Variants in TULP3 observed in about 807,000 individuals in gnomAD.
TULP3 encodes the protein tubby-related protein 3.
In TULP3, 38 loss-of-function variants were observed where a neutral mutation model predicts 50.7. The observed-to-expected ratio is 0.75, with a 90% CI of 0.58 to 0.98. The LOEUF (loss-of-function observed/expected upper bound fraction) is 0.98, where lower values mean the gene tolerates loss of function less well. TULP3 is among the 50% of genes least tolerant of loss of function. The probability of loss-of-function intolerance (pLI) is 0.00; values close to 1 mark genes in which losing one functional copy is unlikely to be tolerated. For missense variants in TULP3, 550 were observed against 568.0 expected (o/e 0.97, Z 0.32); for synonymous variants, 183 against 196.6 (o/e 0.93, Z 0.58).
chr12:2,917,166 T>C (rs1022299383), intron 2 of TULP3, among the ~76,000 whole-genome samples: 2 of 152,186 alleles, frequency 1.3e-5, no homozygotes, highest in Middle Eastern at 3.2e-3. Flanking sequence ...ATGTCTACTG[T>C]TCATAATACT....
At chr12:2,910,218 A>G (rs577906913) in intron 2 of TULP3, among the ~76,000 whole-genome samples, 4 of 152,268 alleles carry the variant, frequency 2.6e-5, no homozygotes, top group Non-Finnish European at 5.9e-5. Flanking sequence ...GCGTGAACCC[A>G]GGAGGCGGAG....
rs1277100201 is a variant in TULP3, at chr12:2,940,378, A to G, written c.*934A>G. 6.8e-7 allele frequency: 1 copy of G among 1,460,946 alleles called. No homozygotes were observed. The highest frequency in any genetic ancestry group is 9.0e-7 in the Non-Finnish European group (1 of 1,113,512). 90.5% of individuals were successfully genotyped at this position (1,460,946 alleles called of 1,614,324 possible). On this transcript the variant is annotated 3_prime_UTR_variant, in exon 11 of 11. Coordinates refer to ENST00000448120, the MANE Select transcript of TULP3 (RefSeq NM_003324.5). ...CTTTGGGGAGGATCAGCCAGCAGACATGAGCACTGCTGGCCCGTGTGGCAG... is the reference window on the plus strand; with the variant it reads ...CTTTGGGGAGGATCAGCCAGCAGACGTGAGCACTGCTGGCCCGTGTGGCAG...
chr12:2,909,698 C>T (rs1040209984), intron 2 of TULP3, 118 bp downstream of exon 2: 18 of 1,082,082 alleles, frequency 1.7e-5, no homozygotes, highest in African/African-American at 5.0e-5. Flanking sequence ...GGAGAAGGCT[C>T]GGGTGGTTAC....
intron 4 of TULP3, among the ~76,000 whole-genome samples, chr12:2,929,277 A>T (rs1237986575): frequency 6.6e-6 from 1 of 152,014 alleles, no homozygotes; most frequent in Non-Finnish European, 1.5e-5. Flanking sequence ...AGATCGCGCC[A>T]CTGCGCTCCA....
chr12:2,934,375 C>T (rs2098199874), intron 7 of TULP3, 72 bp from the exon 8 acceptor site: 1 of 977,294 alleles, frequency 1.0e-6, no homozygotes, highest in Non-Finnish European at 1.4e-6. Flanking sequence ...CTTCCATTTT[C>T]CTTCTCTTAG....
intron 2 of TULP3, among the ~76,000 whole-genome samples, chr12:2,914,515 G>A (rs567083605): frequency 1.3e-5 from 2 of 152,332 alleles, no homozygotes; most frequent in South Asian, 2.1e-4. Context: ...ATTAATTGCT[G>A]TGTATAGCGT....
At chr12:2,916,827 G>T (rs2153949321) in intron 2 of TULP3, among the ~76,000 whole-genome samples, 1 of 152,350 alleles carries the variant, frequency 6.6e-6, no homozygotes, top group Admixed American at 6.5e-5. Context: ...TTGGACAGTA[G>T]TAAGATCATT....
At chr12:2,915,531 A>T (rs1341643553) in intron 2 of TULP3, among the ~76,000 whole-genome samples, 1 of 117,564 alleles carries the variant, frequency 8.5e-6, no homozygotes, top group African/African-American at 3.3e-5. Flanking sequence ...AGATTAAGTT[A>T]GTTTTTTTAT....
chr12:2,921,699 T>C (rs1014840410), intron 3 of TULP3, among the ~76,000 whole-genome samples: 1 of 152,192 alleles, frequency 6.6e-6, no homozygotes, highest in Admixed American at 6.5e-5. Flanking sequence ...TACTTTGTTT[T>C]CTTGGTCTCA....
intron 8 of TULP3, among the ~76,000 whole-genome samples, chr12:2,936,064 G>GTTT (rs2098201074): frequency 6.6e-6 from 1 of 151,504 alleles, no homozygotes; most frequent in African/African-American, 2.4e-5. Flanking sequence ...GTCAGGAGGT[G>GTTT]GAGACCAGCC....
intron 1 of TULP3, among the ~76,000 whole-genome samples, chr12:2,894,538 AACAC>A (rs56834874): frequency 0.23 from 33,752 of 147,036 alleles, 3,896 homozygotes; most frequent in East Asian, 0.36. Flanking sequence ...CCGTCTCAAA[AACAC>A]ACACACACAC....
chr12:2,925,318 G>A (rs7313383), intron 4 of TULP3, among the ~76,000 whole-genome samples: 25,658 of 152,074 alleles, frequency 0.17, 2,428 homozygotes, highest in South Asian at 0.26. Context: ...TTAGGAGATC[G>A]TTTGACTGAT....
chr12:2,893,327 G>GGTTTTTTT (rs1555110454), intron 1 of TULP3, among the ~76,000 whole-genome samples: 1 of 128,160 alleles, frequency 7.8e-6, no homozygotes. Flanking sequence ...TGTTTAATGT[G>GGTTTTTTT]TTTTTTTTTT....
chr12:2,893,372 A>C (rs6489405), intron 1 of TULP3, among the ~76,000 whole-genome samples: 4 of 145,930 alleles, frequency 2.7e-5, no homozygotes, highest in Non-Finnish European at 6.0e-5. Context: ...CTCGTCGCCC[A>C]GGCTGGAGTG....
At chr12:2,937,012 T>G (rs886957103) in intron 8 of TULP3, among the ~76,000 whole-genome samples, 29 of 150,238 alleles carry the variant, frequency 1.9e-4, no homozygotes, top group African/African-American at 6.1e-4. Context: ...GGCACAGGAA[T>G]CGCTTGAACC....
intron 1 of TULP3, among the ~76,000 whole-genome samples, chr12:2,892,796 C>T (rs1455376220): frequency 6.6e-6 from 1 of 152,154 alleles, no homozygotes; most frequent in East Asian, 1.9e-4. Context: ...AGGCGTGAGC[C>T]ACTGCGCCTG....
intron 8 of TULP3, among the ~76,000 whole-genome samples, chr12:2,936,985 C>T (rs756361758): frequency 3.5e-4 from 53 of 151,072 alleles, no homozygotes; most frequent in Non-Finnish European, 7.4e-4. Flanking sequence ...TGGCATGCGC[C>T]TGTAGTCCCA....
intron 4 of TULP3, among the ~76,000 whole-genome samples, chr12:2,923,474 C>G (rs2098192924): frequency 6.6e-6 from 1 of 151,752 alleles, no homozygotes; most frequent in Non-Finnish European, 1.5e-5. Flanking sequence ...CATGGTGAAA[C>G]CCTTCTCTAC....
intron 1 of TULP3, among the ~76,000 whole-genome samples, chr12:2,901,292 T>C (rs1006226249): frequency 4.9e-5 from 7 of 143,258 alleles, no homozygotes; most frequent in East Asian, 2.0e-4. Flanking sequence ...TTGATTTTTT[T>C]TTTCTTTCTT....
Sources: allele counts gnomAD v4.1 joint callset (sites outside exome capture counted in the v4.1 genomes callset), GRCh38; gene constraint gnomAD v4.1.1; transcripts MANE v1.5; gene names NCBI Gene and HGNC (gene_info 2026-07-23, HGNC 2026-07-21).